The following ELP3 variants were observed in gnomAD, a reference collection of about 807,000 sequenced individuals.
ELP3 encodes the protein elongator complex protein 3.
Under a neutral mutation model 74.9 loss-of-function variants are expected in ELP3, and 56 were observed. That is an observed-to-expected ratio of 0.75 (90% CI 0.60 to 0.93). The LOEUF is 0.93. Among genes scored for constraint, ELP3 ranks in the 40% least tolerant of loss-of-function variants. The pLI, the probability that ELP3 is intolerant of heterozygous loss-of-function variation, is 0.00. For missense variants in ELP3, 573 were observed against 686.5 expected (o/e 0.83, Z 1.85); for synonymous variants, 222 against 239.8 (o/e 0.93, Z 0.68).
intron 14 of ELP3, among the ~76,000 whole-genome samples, chr8:28,175,386 T>C (rs547853838): frequency 6.6e-6 from 1 of 152,332 alleles, no homozygotes; most frequent in South Asian, 2.1e-4. Context: ...TGATTCTGTC[T>C]GCTGCCTCCT....
At chr8:28,182,108 G>A (rs140356803) in intron 14 of ELP3, among the ~76,000 whole-genome samples, 73 of 152,254 alleles carry the variant, frequency 4.8e-4, no homozygotes, top group Non-Finnish European at 7.1e-4. Context: ...CTCTGGTATT[G>A]CATTTATCCC....
intron 7 of ELP3, among the ~76,000 whole-genome samples, chr8:28,121,834 T>C (rs1308491714): frequency 1.3e-5 from 2 of 152,240 alleles, no homozygotes; most frequent in African/African-American, 4.8e-5. Flanking sequence ...CTTTTCTTTC[T>C]CTTGCCTTAC....
intron 1 of ELP3, among the ~76,000 whole-genome samples, chr8:28,094,213 A>C (rs187450018): frequency 2.0e-5 from 3 of 152,160 alleles, no homozygotes; most frequent in Admixed American, 1.3e-4. Context: ...TTCTGTCACC[A>C]AGTCATGTTG....
At chr8:28,125,057 T>G (rs1381800590) in intron 7 of ELP3, among the ~76,000 whole-genome samples, 2 of 152,194 alleles carry the variant, frequency 1.3e-5, no homozygotes, top group African/African-American at 2.4e-5. Flanking sequence ...TGGGCAGAAC[T>G]TCAAATTTTA....
Position 28,106,772 on chromosome 8 carries a change from A to G in ELP3, c.318A>G (p.Gly106=). ...GATGTCCACACATCAGTTTTACAGG[A>G]AATATATGTGTGTAAGTATGGTGAT... ...PHRCPHISFT[G]NICVYCPGGP... The change falls in exon 4 of 15, where the codon GGA becomes GGG. Residue 106 remains glycine (G), a synonymous_variant. Coordinates refer to ENST00000256398, the MANE Select transcript of ELP3 (RefSeq NM_018091.6). 6.2e-7 allele frequency: 1 copy of G among 1,612,016 alleles called. No individual in the cohort carries two copies. The highest frequency in any genetic ancestry group is 8.5e-7 in the Non-Finnish European group (1 of 1,179,268).
Position 28,129,587 on chromosome 8 carries a change from A to T in ELP3, c.703A>T (p.Met235Leu), listed in dbSNP as rs559465069. Residue 235 changes from methionine (M) to leucine (L), a missense_variant, in exon 8 of 15, where the codon ATG (methionine) becomes TTG (leucine). By Grantham distance (15) the Met-to-Leu change is conservative. Transcript: ENST00000256398. The stretch of plus-strand genomic sequence containing the variant: ...CTGCATGAAGCGACATTTAAGTGAC[A>T]TGTTGACCTATGGCTGCACAAGGCT... ...DYCMKRHLSD[M>L]LTYGCTRLEI... 1 of 1,614,246 alleles carries T rather than the reference A, an allele frequency of 6.2e-7. No homozygotes were observed. Among genetic ancestry groups the T allele is most frequent in the East Asian group, 2.2e-5 (1 of 44,884 alleles).
chr8:28,144,520 T>G (rs538823031), intron 10 of ELP3, among the ~76,000 whole-genome samples: 1 of 152,268 alleles, frequency 6.6e-6, no homozygotes, highest in African/African-American at 2.4e-5. Context: ...CTCAGGAGTC[T>G]GAGGTGGGAG....
At chr8:28,109,321 C>T (rs899826820) in intron 5 of ELP3, among the ~76,000 whole-genome samples, 2 of 152,148 alleles carry the variant, frequency 1.3e-5, no homozygotes, top group Non-Finnish European at 2.9e-5. Context: ...TGACTTTTTT[C>T]TCATATCTGT....
At chr8:28,169,605 A>G (rs1050169745) in intron 14 of ELP3, among the ~76,000 whole-genome samples, 7 of 152,336 alleles carry the variant, frequency 4.6e-5, no homozygotes, top group African/African-American at 1.4e-4. Flanking sequence ...GAAGTCCTAG[A>G]ATGTCTATAT....
chr8:28,183,316 A>G (rs1815094722), intron 14 of ELP3: 1 of 443,974 alleles, frequency 2.3e-6, no homozygotes, highest in Admixed American at 2.4e-5. Flanking sequence ...TGGGGAAGAT[A>G]AAATATTTAT....
At chr8:28,103,111 G>A (rs1048046834) in intron 3 of ELP3, among the ~76,000 whole-genome samples, 1 of 152,132 alleles carries the variant, frequency 6.6e-6, no homozygotes, top group African/African-American at 2.4e-5. Flanking sequence ...CAGAGGTTGC[G>A]TTGAGCCGAG....
intron 14 of ELP3, among the ~76,000 whole-genome samples, chr8:28,170,299 A>G (rs1368077899): frequency 6.6e-6 from 1 of 152,216 alleles, no homozygotes; most frequent in Non-Finnish European, 1.5e-5. Context: ...GTAGGCATTC[A>G]GTACCTCTAA....
rs137977409 is a variant in ELP3 at position 28,189,784 on chromosome 8, A to T, written c.*59A>T. On this transcript the variant is annotated 3_prime_UTR_variant, in exon 15 of 15. Transcript: ENST00000256398. ...CCCTGGCAGAACACGGAGAATCAGGATTTCTTAAATACTCAACAGAGAGGC... is the reference window on the plus strand; with the variant it reads ...CCCTGGCAGAACACGGAGAATCAGGTTTTCTTAAATACTCAACAGAGAGGC... 3.2e-6 allele frequency: 5 copies of T among 1,543,128 alleles called. No homozygotes were observed. In the African/African-American group the frequency reaches 4.1e-5, roughly 13 times the overall value.
chr8:28,158,596 G>T lies in ELP3; in HGVS notation c.1220G>T (p.Gly407Val). ...CGAGATGTGAGAACCAGAGAAGTTG[G>T]AATCCAAGAAATTCATCACAAAGTA... ...QCRDVRTREV[G>V]IQEIHHKVRP... The change falls in exon 12 of 15, where the codon GGA (glycine) becomes GTA (valine). Residue 407 changes from glycine to valine, a missense_variant. Transcript: ENST00000256398. The T allele has an allele frequency of 6.2e-7, 1 of 1,613,256 alleles. No homozygotes were observed. The highest frequency in any genetic ancestry group is 1.1e-5 in the South Asian group (1 of 91,008).
intron 14 of ELP3, among the ~76,000 whole-genome samples, chr8:28,171,691 T>C (rs1261305647): frequency 6.6e-6 from 1 of 152,152 alleles, no homozygotes; most frequent in Non-Finnish European, 1.5e-5. Context: ...TCTTTTGTTA[T>C]TTGTGTCTTT....
intron 7 of ELP3, chr8:28,118,861 G>T (rs770758630): frequency 1.3e-5 from 2 of 152,010 alleles, no homozygotes; most frequent in African/African-American, 2.4e-5. Flanking sequence ...TTCATTTCCC[G>T]TTCCTTCCTC....
intron 7 of ELP3, among the ~76,000 whole-genome samples, chr8:28,124,134 T>G (rs1036293454): frequency 6.6e-6 from 1 of 152,210 alleles, no homozygotes; most frequent in African/African-American, 2.4e-5. Context: ...TATGGTCTAA[T>G]TCTTTATAAT....
chr8:28,123,471 G>A (rs747418193), intron 7 of ELP3, among the ~76,000 whole-genome samples: 98 of 152,154 alleles, frequency 6.4e-4, no homozygotes, highest in Non-Finnish European at 1.2e-3. Context: ...TGCCATGTGT[G>A]TTTGTAAAGA....
At chr8:28,152,891 A>G (rs796067706) in intron 10 of ELP3, among the ~76,000 whole-genome samples, 8 of 152,334 alleles carry the variant, frequency 5.3e-5, no homozygotes, top group African/African-American at 1.9e-4. Context: ...CTCTTACTGC[A>G]TTTAGGTCTA....
Sources: allele counts gnomAD v4.1 joint callset (sites outside exome capture counted in the v4.1 genomes callset), GRCh38; gene constraint gnomAD v4.1.1; transcripts MANE v1.5; gene names NCBI Gene and HGNC (gene_info 2026-07-23, HGNC 2026-07-21).